The following UNC5D variants were observed in gnomAD, a reference collection of about 807,000 sequenced individuals.
UNC5D encodes the protein unc-5 netrin receptor D.
UNC5D carries 39 observed loss-of-function variants against 105.4 expected under a neutral mutation model. That is an observed-to-expected ratio of 0.37 (90% confidence interval 0.29 to 0.48). The LOEUF is 0.48. Ranked by LOEUF, UNC5D falls within the 20% of genes least tolerant of loss-of-function variation. UNC5D has a pLI of 0.98. For missense variants in UNC5D, 991 were observed against 1,202.4 expected (o/e 0.82, Z 2.60); for synonymous variants, 452 against 450.4 (o/e 1.00, Z -0.04).
chr8:35,469,445 G>C (rs1024008474), intron 1 of UNC5D, among the ~76,000 whole-genome samples: 12 of 152,164 alleles, frequency 7.9e-5, no homozygotes, highest in African/African-American at 2.7e-4. Context: ...AGAGCCCATA[G>C]ATTACCAAAA....
At chr8:35,365,984 T>C (rs1444440111) in intron 1 of UNC5D, among the ~76,000 whole-genome samples, 1 of 152,048 alleles carries the variant, frequency 6.6e-6, no homozygotes, top group East Asian at 1.9e-4. Flanking sequence ...TAACAAGAAT[T>C]AAATCTCTGG....
chr8:35,324,923 G>A (rs1433389042), intron 1 of UNC5D, among the ~76,000 whole-genome samples: 2 of 152,166 alleles, frequency 1.3e-5, no homozygotes, highest in Non-Finnish European at 2.9e-5. Flanking sequence ...GGCGTGAGGA[G>A]AGACTGGCAA....
At chr8:35,466,594 C>A (rs1809320724) in intron 1 of UNC5D, among the ~76,000 whole-genome samples, 3 of 152,070 alleles carry the variant, frequency 2.0e-5, no homozygotes, top group Non-Finnish European at 4.4e-5. Flanking sequence ...AAAGTCATTT[C>A]TATTATCCCA....
At chr8:35,318,083 A>G (rs1456003621) in intron 1 of UNC5D, among the ~76,000 whole-genome samples, 2 of 152,036 alleles carry the variant, frequency 1.3e-5, no homozygotes, top group East Asian at 3.9e-4. Context: ...TGTTTTTACT[A>G]TTTAACTCTC....
chr8:35,728,181 T>A (rs1161818896), intron 10 of UNC5D, among the ~76,000 whole-genome samples: 1 of 151,542 alleles, frequency 6.6e-6, no homozygotes, highest in East Asian at 1.9e-4. Context: ...TATCTCTTTC[T>A]TGCTCATGCT....
At chr8:35,411,348 T>C (rs1032795741) in intron 1 of UNC5D, among the ~76,000 whole-genome samples, 1 of 152,062 alleles carries the variant, frequency 6.6e-6, no homozygotes, top group Non-Finnish European at 1.5e-5. Flanking sequence ...TAAATGTGAA[T>C]AAACAAGAAA....
At chr8:35,533,913 G>A (rs1028741531) in intron 1 of UNC5D, among the ~76,000 whole-genome samples, 6 of 152,232 alleles carry the variant, frequency 3.9e-5, no homozygotes, top group African/African-American at 7.2e-5. Context: ...GCTTGCGCAC[G>A]GTGCGCGCAC....
At chr8:35,738,961 C>T (rs762923241) in intron 11 of UNC5D, among the ~76,000 whole-genome samples, 5 of 152,140 alleles carry the variant, frequency 3.3e-5, no homozygotes, top group African/African-American at 4.8e-5. Flanking sequence ...ATGGTATATA[C>T]CTATTTCTTC....
chr8:35,463,119 G>A (rs138562533), intron 1 of UNC5D, among the ~76,000 whole-genome samples: 1 of 152,194 alleles, frequency 6.6e-6, no homozygotes, highest in African/African-American at 2.4e-5. Flanking sequence ...ATTTCCAATT[G>A]GATTTGTGTC....
chr8:35,421,887 T>C (rs1198348442), intron 1 of UNC5D, among the ~76,000 whole-genome samples: 1 of 152,200 alleles, frequency 6.6e-6, no homozygotes, highest in Non-Finnish European at 1.5e-5. Flanking sequence ...ACCGACCTAT[T>C]CTACAGTGGG....
intron 1 of UNC5D, among the ~76,000 whole-genome samples, chr8:35,463,909 T>A (rs1174633793): frequency 6.6e-6 from 1 of 152,198 alleles, no homozygotes; most frequent in Non-Finnish European, 1.5e-5. Context: ...TTTAGCTAAA[T>A]GTAAAGTGCT....
intron 1 of UNC5D, among the ~76,000 whole-genome samples, chr8:35,249,331 A>T (rs1322533113): frequency 6.7e-6 from 1 of 149,362 alleles, no homozygotes; most frequent in East Asian, 2.0e-4. Context: ...GCCAAGGCAG[A>T]TGGATCACCT....
intron 15 of UNC5D, among the ~76,000 whole-genome samples, chr8:35,772,746 T>C (rs1214662761): frequency 1.3e-5 from 2 of 151,730 alleles, no homozygotes; most frequent in African/African-American, 4.8e-5. Flanking sequence ...TATTATGTCA[T>C]AAGACTGAAA....
chr8:35,512,308 G>A (rs1220807123), intron 1 of UNC5D, among the ~76,000 whole-genome samples: 2 of 150,762 alleles, frequency 1.3e-5, no homozygotes, highest in African/African-American at 2.4e-5. Flanking sequence ...GATTACTTGA[G>A]GTCAAGAGTT....
intron 4 of UNC5D, among the ~76,000 whole-genome samples, chr8:35,612,861 C>A (rs966039846): frequency 6.8e-6 from 1 of 147,528 alleles, no homozygotes; most frequent in African/African-American, 2.5e-5. Context: ...TGGGGAATTT[C>A]TTTTTAAGTT....
At chr8:35,499,771 T>C (rs1837346) in intron 1 of UNC5D, among the ~76,000 whole-genome samples, 25,951 of 152,144 alleles carry the variant, frequency 0.17, 2,977 homozygotes, top group African/African-American at 0.29. Context: ...GCATTAATAA[T>C]ATGGAACAGT....
intron 1 of UNC5D, among the ~76,000 whole-genome samples, chr8:35,281,974 G>A (rs1226003074): frequency 6.6e-6 from 1 of 152,034 alleles, no homozygotes; most frequent in South Asian, 2.1e-4. Context: ...ACATGTACTC[G>A]GTTATTCTTT....
chr8:35,596,987 A>G (rs1374422228), intron 4 of UNC5D, among the ~76,000 whole-genome samples: 1 of 152,200 alleles, frequency 6.6e-6, no homozygotes, highest in African/African-American at 2.4e-5. Context: ...ATGGGAAGCT[A>G]GGAAACAGTG....
At position 35,352,061 on chromosome 8, in the gene UNC5D, A is replaced by G. The variant is rs377105338; in HGVS notation, c.103+116174A>G. On this transcript the variant is annotated intron_variant, in intron 1 of 16. Transcript: ENST00000404895. ...TGCAAGTACACATATAAGCATTTAC[A>G]TAAGGACACATTTAAGTGTTTTTTG... 5.3e-4 allele frequency among the ~76,000 whole-genome samples: 81 copies of G among 152,264 alleles called. 1 individual carries two copies. The highest frequency in any genetic ancestry group is 1.8e-3 in the African/African-American group (74 of 41,578).
Sources: gnomAD v4.1 joint callset for allele counts (sites outside exome capture counted in the v4.1 genomes callset) on GRCh38, gnomAD v4.1.1 for gene constraint, MANE v1.5 for transcripts, NCBI Gene and HGNC (gene_info 2026-07-23, HGNC 2026-07-21) for gene names.